Variants in HOXB8 observed in about 807,000 individuals in gnomAD.
The protein encoded by HOXB8 is homeobox protein Hox-B8.
HOXB8 carries 17 observed loss-of-function variants against 22.2 expected under a neutral mutation model. That is an observed-to-expected ratio of 0.77 (90% CI 0.53 to 1.15). The LOEUF is 1.15. Ranked by LOEUF, HOXB8 falls within the 50% of genes most tolerant of loss-of-function variation. The pLI is 0.00. For synonymous variants in HOXB8, 156 were observed against 144.6 expected, an observed-to-expected ratio of 1.08 and a Z score of -0.57; for missense variants, 287 against 323.8, an observed-to-expected ratio of 0.89 and a Z score of 0.87.
At position 48,614,611 on chromosome 17, in the gene HOXB8, G is replaced by C; in HGVS notation, c.94C>G (p.Leu32Val). ...TACACCACGGTGGGTCGGCCGCCCA[G>C]GTCCTGGGCGAAGCCGCAGTCATAA... is the stretch of plus-strand genomic sequence containing the variant. ...NYYDCGFAQD[L>V]GGRPTVVYGP... The change falls in exon 1 of 2, where the codon CTG (leucine) becomes GTG (valine). Residue 32 changes from leucine (L) to valine (V), a missense_variant. Transcript: ENST00000239144. The surrounding 1 kb of genome is among the most constrained non-coding windows in gnomAD (Gnocchi z 4.1). 6.2e-7 allele frequency: 1 copy of C among 1,609,832 alleles called. No individual in the cohort carries two copies. The highest frequency in any genetic ancestry group is 8.5e-7 in the Non-Finnish European group (1 of 1,178,076).
rs1460406008 is a variant in HOXB8, at chr17:48,614,167, G to A, written c.424+114C>T. The A allele has an allele frequency of 2.3e-5, 17 of 751,658 alleles. No homozygotes were observed. The East Asian group carries it at 4.6e-4, about 20-fold the overall frequency. 46.6% of individuals were successfully genotyped at this position (751,658 alleles called of 1,614,324 possible). ...GAAAGAAAGGGGAAAAGCGGCAGGCGATCGGAACGGAGCCGGCAAGTCTTC... is the reference window on the plus strand; with the variant it reads ...GAAAGAAAGGGGAAAAGCGGCAGGCAATCGGAACGGAGCCGGCAAGTCTTC... On this transcript the variant is annotated intron_variant, in intron 1 of 1. Transcript: ENST00000239144. The surrounding 1 kb of genome is among the most constrained non-coding windows in gnomAD (Gnocchi z 4.1).
chr17:48,613,444 CCTT>C lies in HOXB8; in HGVS notation c.487_489del (p.Lys163del). 6 of 1,612,526 alleles carry C rather than the reference CCTT, an allele frequency of 3.7e-6. No homozygotes were observed. Among genetic ancestry groups the C allele is most frequent in the Non-Finnish European group, 5.1e-6 (6 of 1,179,030 alleles). Reference sequence around the variant, plus strand: ...GTCAGATAGGGATTAAATAGGAACTCCTTCTCCAGCTCCAGGGTCTGGTAGCGG... The same window carrying C: ...GTCAGATAGGGATTAAATAGGAACTCCTCCAGCTCCAGGGTCTGGTAGCGG... On this transcript the variant is annotated inframe_deletion, in exon 2 of 2. Coordinates refer to ENST00000239144, the MANE Select transcript of HOXB8 (RefSeq NM_024016.4).
chr17:48,614,935 A>C lies in HOXB8; in HGVS notation c.-231T>G. 1 of 465,340 alleles carries C rather than the reference A, an allele frequency of 2.1e-6. No individual in the cohort carries two copies. The highest frequency in any genetic ancestry group is 3.7e-5 in the East Asian group (1 of 26,876). 28.8% of individuals were successfully genotyped at this position (465,340 alleles called of 1,614,324 possible). On this transcript the variant is annotated 5_prime_UTR_variant, in exon 1 of 2. Transcript: ENST00000239144. The surrounding 1 kb of genome is among the most constrained non-coding windows in gnomAD (Gnocchi z 4.1). ...ACTTTTTGTGGTTTCCAGGAATAGA[A>C]AAGGACAGAGAAGCCTCCAAAAGTC... is the stretch of plus-strand genomic sequence containing the variant.
Position 48,613,241 on chromosome 17 carries a change from C to A in HOXB8, c.693G>T (p.Ala231=). ...EKQKLERAPE[A]ADEGDAQKGD... ...CCTTCTGCGCGTCGCCCTCGTCCGCCGCCTCTGGGGCCCGCTCCAGCTTCT... is the reference window on the plus strand; with the variant it reads ...CCTTCTGCGCGTCGCCCTCGTCCGCAGCCTCTGGGGCCCGCTCCAGCTTCT... Residue 231 remains alanine, a synonymous_variant, in exon 2 of 2, where the codon GCG becomes GCT. Coordinates refer to ENST00000239144, the MANE Select transcript of HOXB8 (RefSeq NM_024016.4). The A allele has an allele frequency of 6.2e-7, 1 of 1,613,302 alleles. No homozygotes were observed.
Position 48,614,201 on chromosome 17 carries a change from G to A in HOXB8, c.424+80C>T. 2 of 716,436 alleles carry A rather than the reference G, an allele frequency of 2.8e-6. No individual in the cohort carries two copies. The highest frequency in any genetic ancestry group is 2.1e-6 in the Non-Finnish European group (1 of 476,336). The allele number at this position is 716,436 out of a possible 1,614,324, so 44.4% of individuals were successfully genotyped here. Reference sequence around the variant, plus strand: ...GGAGCCGGCAAGTCTTCCAGAAGCTGGAGGAAATGCGCCCCGGCCTGCCAG... The same window carrying A: ...GGAGCCGGCAAGTCTTCCAGAAGCTAGAGGAAATGCGCCCCGGCCTGCCAG... On this transcript the variant is annotated intron_variant, in intron 1 of 1. Transcript: ENST00000239144. This position sits in a 1 kb window ranked among gnomAD's most constrained non-coding sequence, Gnocchi z 4.1.
In HOXB8 at chr17:48,612,699, AGAGAGC is replaced by A. The variant is rs919330381; in HGVS notation, c.*497_*502del. 3.5e-3 allele frequency: 535 copies of A among 151,448 alleles called. 3 individuals carry two copies. Among genetic ancestry groups the A allele is most frequent in the Non-Finnish European group, 4.9e-3 (329 of 67,744 alleles). The allele number at this position is 151,448 out of a possible 1,614,324, so 9.4% of individuals were successfully genotyped here. A position where few individuals can be genotyped will look rare whatever the true frequency, so the allele number is the denominator to read the frequency against. On this transcript the variant is annotated 3_prime_UTR_variant, in exon 2 of 2. Transcript: ENST00000239144. ...GGAGGGGAAATGAGGACGCAGCGAG[AGAGAGC>A]GAGAGCGAGAGCGAGCGAGCGAGAG...
At position 48,614,468 on chromosome 17, in the gene HOXB8, G is replaced by C. The variant is rs2070699413; in HGVS notation, c.237C>G (p.His79Gln). Residue 79 changes from histidine to glutamine, a missense_variant, in exon 1 of 2, where the codon CAC (histidine) becomes CAG (glutamine). This residue lies in a region of HOXB8 where 229 missense variants were observed against 239.8 expected (regional missense o/e 0.95). Coordinates refer to ENST00000239144, the MANE Select transcript of HOXB8 (RefSeq NM_024016.4). This position sits in a 1 kb window ranked among gnomAD's most constrained non-coding sequence, Gnocchi z 4.1. ...YQQNPCAVAC[H>Q]GDPGNFYGYD... ...AGCCGTAGAAATTGCCGGGGTCCCC[G>C]TGGCACGCCACGGCGCACGGGTTCT... 1 of 1,613,876 alleles carries C rather than the reference G, an allele frequency of 6.2e-7. No homozygotes were observed. Among genetic ancestry groups the C allele is most frequent in the African/African-American group, 1.3e-5 (1 of 74,918 alleles).
At position 48,614,200 on chromosome 17, in the gene HOXB8, T is replaced by G; in HGVS notation, c.424+81A>C. On this transcript the variant is annotated intron_variant, in intron 1 of 1. Transcript: ENST00000239144. The surrounding 1 kb of genome is among the most constrained non-coding windows in gnomAD (Gnocchi z 4.1). ...CGGAGCCGGCAAGTCTTCCAGAAGC[T>G]GGAGGAAATGCGCCCCGGCCTGCCA... The G allele has an allele frequency of 2.4e-6, 2 of 844,638 alleles. No individual in the cohort carries two copies. Among genetic ancestry groups the G allele is most frequent in the South Asian group, 2.5e-5 (1 of 39,752 alleles). 52.3% of individuals were successfully genotyped at this position (844,638 alleles called of 1,614,324 possible).
At chr17:48,613,605 G>C in intron 1 of HOXB8, 96 bp from the exon 2 acceptor site, 1 of 863,780 alleles carries the variant, frequency 1.2e-6, no homozygotes, top group South Asian at 1.7e-5. Context: ...GAGCCTGGGA[G>C]ACCATTATAA....
Position 48,613,238 on chromosome 17 carries a change from C to T in HOXB8, c.696G>A (p.Ala232=), listed in dbSNP as rs1372785396. The T allele has an allele frequency of 1.9e-6, 3 of 1,613,000 alleles. No homozygotes were observed. The highest frequency in any genetic ancestry group is 2.2e-5 in the East Asian group (1 of 44,816). Residue 232 remains alanine, a synonymous_variant, in exon 2 of 2, where the codon GCG becomes GCA. Transcript: ENST00000239144. ...CGCCCTTCTGCGCGTCGCCCTCGTC[C>T]GCCGCCTCTGGGGCCCGCTCCAGCT... The part of the protein sequence containing the change: ...KQKLERAPEA[A]DEGDAQKGDK...
In HOXB8 at chr17:48,614,618, G is replaced by C. The variant is rs1221849128; in HGVS notation, c.87C>G (p.Ala29=). 8.1e-6 allele frequency: 13 copies of C among 1,609,612 alleles called. No homozygotes were observed. Among genetic ancestry groups the C allele is most frequent in the African/African-American group, 1.3e-5 (1 of 74,794 alleles). Residue 29 remains alanine, a synonymous_variant, in exon 1 of 2, where the codon GCC becomes GCG. Coordinates refer to ENST00000239144, the MANE Select transcript of HOXB8 (RefSeq NM_024016.4). The surrounding 1 kb of genome is among the most constrained non-coding windows in gnomAD (Gnocchi z 4.1). ...CGGTGGGTCGGCCGCCCAGGTCCTG[G>C]GCGAAGCCGCAGTCATAATAATTGG... The part of the protein sequence containing the change: ...LRPNYYDCGF[A]QDLGGRPTVV...
Position 48,614,658 on chromosome 17 carries a change from C to G in HOXB8, c.47G>C (p.Gly16Ala). 1 of 1,606,502 alleles carries G rather than the reference C, an allele frequency of 6.2e-7. No homozygotes were observed. Residue 16 changes from glycine to alanine, a missense_variant, in exon 1 of 2, where the codon GGG becomes GCG. Around this residue, in one of 3 missense-constraint regions of HOXB8, gnomAD observed 229 missense variants for 239.8 expected, o/e 0.95. Transcript: ENST00000239144. The surrounding 1 kb of genome is among the most constrained non-coding windows in gnomAD (Gnocchi z 4.1). ...ATAATAATTGGGGCGCAGGGACTCC[C>G]CGGTTTTGTATTTGGAGAACAGTGA... The part of the protein sequence containing the change: ...VNSLFSKYKT[G>A]ESLRPNYYDC...
In HOXB8 at chr17:48,613,097, C is replaced by A. The variant is rs548302451; in HGVS notation, c.*105G>T. The A allele has an allele frequency of 2.7e-5, 20 of 743,458 alleles. No individual in the cohort carries two copies. The highest frequency in any genetic ancestry group is 3.5e-5 in the Non-Finnish European group (20 of 571,438). 46.1% of individuals were successfully genotyped at this position (743,458 alleles called of 1,614,324 possible). ...GCGGTGGGAGGCCCGGCTCCTGGCC[C>A]CGCTAGCGGGGCCAGAGCTCTCTCG... On this transcript the variant is annotated 3_prime_UTR_variant, in exon 2 of 2. Coordinates refer to ENST00000239144, the MANE Select transcript of HOXB8 (RefSeq NM_024016.4).
At position 48,613,612 on chromosome 17, in the gene HOXB8, A is replaced by G. The variant is rs143575064; in HGVS notation, c.425-103T>C. 295 of 825,656 alleles carry G rather than the reference A, an allele frequency of 3.6e-4. 2 individuals are homozygous for G. In the East Asian group the frequency reaches 9.0e-3, roughly 25 times the overall value. 51.1% of individuals were successfully genotyped at this position (825,656 alleles called of 1,614,324 possible). ...TCGTGAACGAGCCTGGGAGACCATT[A>G]TAATAAGGGCAGGGGACCTTCTACC... On this transcript the variant is annotated intron_variant, in intron 1 of 1. Coordinates refer to ENST00000239144, the MANE Select transcript of HOXB8 (RefSeq NM_024016.4).
In HOXB8 at chr17:48,614,553, G is replaced by A. The variant is rs1378009693; in HGVS notation, c.152C>T (p.Pro51Leu). ...GTGGTAGAACTCCTGGATTTGCGAC[G>A]GGTGCTGGAAGCTGCCGCCGCTGCT... Reference protein sequence around the residue: ...GPSSGGSFQHPSQIQEFYHGP... With the variant: ...GPSSGGSFQHLSQIQEFYHGP... Residue 51 changes from proline (P) to leucine (L), a missense_variant, in exon 1 of 2, where the codon CCG (proline) becomes CTG (leucine). By Grantham distance (98) the Pro-to-Leu change is moderately conservative. Coordinates refer to ENST00000239144, the MANE Select transcript of HOXB8 (RefSeq NM_024016.4). The surrounding 1 kb of genome is among the most constrained non-coding windows in gnomAD (Gnocchi z 4.1). 6.2e-7 allele frequency: 1 copy of A among 1,612,934 alleles called. No individual in the cohort carries two copies. The highest frequency in any genetic ancestry group is 8.5e-7 in the Non-Finnish European group (1 of 1,179,596).
Position 48,613,454 on chromosome 17 carries a change from C to G in HOXB8, c.480G>C (p.Glu160Asp). The G allele has an allele frequency of 6.2e-7, 1 of 1,608,466 alleles. No individual in the cohort carries two copies. The highest frequency in any genetic ancestry group is 8.5e-7 in the Non-Finnish European group (1 of 1,176,412). Residue 160 changes from glutamate (E) to aspartate (D), a missense_variant, in exon 2 of 2, where the codon GAG becomes GAC. Transcript: ENST00000239144. The stretch of plus-strand genomic sequence containing the variant: ...GATTAAATAGGAACTCCTTCTCCAG[C>G]TCCAGGGTCTGGTAGCGGCTGTAGG... ...RQTYSRYQTLELEKEFLFNPY... is the reference protein window; with the variant it reads ...RQTYSRYQTLDLEKEFLFNPY...
chr17:48,614,648 C>T lies in HOXB8; in HGVS notation c.57G>A (p.Leu19=). ...AGCCGCAGTCATAATAATTGGGGCG[C>T]AGGGACTCCCCGGTTTTGTATTTGG... The part of the protein sequence containing the change: ...LFSKYKTGES[L]RPNYYDCGFA... Residue 19 remains leucine (L), a synonymous_variant, in exon 1 of 2, where the codon CTG becomes CTA. Transcript: ENST00000239144. The surrounding 1 kb of genome is among the most constrained non-coding windows in gnomAD (Gnocchi z 4.1). 1 of 1,608,284 alleles carries T rather than the reference C, an allele frequency of 6.2e-7. No homozygotes were observed. The highest frequency in any genetic ancestry group is 8.5e-7 in the Non-Finnish European group (1 of 1,177,090).
At position 48,614,423 on chromosome 17, in the gene HOXB8, C is replaced by G. The variant is rs1469030913; in HGVS notation, c.282G>C (p.Gln94His). 1.2e-6 allele frequency: 2 copies of G among 1,613,814 alleles called. No individual in the cohort carries two copies. Among genetic ancestry groups the G allele is most frequent in the South Asian group, 1.1e-5 (1 of 91,088 alleles). Reference sequence around the variant, plus strand: ...CTGGATCCTGCGCACCGAATAGGCTCTGGCGTTGCAGCGGGTCGTAGCCGT... The same window carrying G: ...CTGGATCCTGCGCACCGAATAGGCTGTGGCGTTGCAGCGGGTCGTAGCCGT... The part of the protein sequence containing the change: ...NFYGYDPLQR[Q>H]SLFGAQDPDL... The change falls in exon 1 of 2, where the codon CAG (glutamine) becomes CAC (histidine). Residue 94 changes from glutamine (Q) to histidine (H), a missense_variant. By Grantham distance (24) the Gln-to-His change is conservative. Coordinates refer to ENST00000239144, the MANE Select transcript of HOXB8 (RefSeq NM_024016.4). This position sits in a 1 kb window ranked among gnomAD's most constrained non-coding sequence, Gnocchi z 4.1.
In HOXB8 at chr17:48,613,111, A is replaced by G; in HGVS notation, c.*91T>C. 4.5e-6 allele frequency: 4 copies of G among 887,154 alleles called. No homozygotes were observed. The highest frequency in any genetic ancestry group is 5.7e-6 in the Non-Finnish European group (4 of 700,112). 55.0% of individuals were successfully genotyped at this position (887,154 alleles called of 1,614,324 possible). A position where few individuals can be genotyped will look rare whatever the true frequency, so the allele number is the denominator to read the frequency against. ...GGCTCCTGGCCCCGCTAGCGGGGCC[A>G]GAGCTCTCTCGGGCAGGGGCGCGCG... On this transcript the variant is annotated 3_prime_UTR_variant, in exon 2 of 2. Coordinates refer to ENST00000239144, the MANE Select transcript of HOXB8 (RefSeq NM_024016.4).
Sources: gnomAD v4.1 joint callset for allele counts on GRCh38, gnomAD v4.1.1 for gene constraint, gnomAD v4.1.1 regional missense constraint, Gnocchi (gnomAD v3.1) non-coding constraint, MANE v1.5 for transcripts, NCBI Gene and HGNC (gene_info 2026-07-23, HGNC 2026-07-21) for gene names.